ZNF267: variants seen among roughly 807,000 people sequenced by gnomAD.
The protein encoded by ZNF267 is zinc finger protein 267.
Under a neutral mutation model 71.6 loss-of-function variants are expected in ZNF267, and 61 were observed. The observed-to-expected ratio is 0.85, with a 90% CI of 0.69 to 1.05. The LOEUF (loss-of-function observed/expected upper bound fraction) is 1.05. ZNF267 is among the 50% of genes least tolerant of loss of function. ZNF267 has a pLI of 0.00. For missense variants in ZNF267, 852 were observed against 870.0 expected (o/e 0.98, Z 0.26); for synonymous variants, 288 against 293.2 (o/e 0.98, Z 0.18).
intron 3 of ZNF267, chr16:31,890,368 C>G (rs1269364615): frequency 6.6e-6 from 1 of 152,182 alleles, no homozygotes; most frequent in South Asian, 2.1e-4. Flanking sequence ...GAACTCCTTT[C>G]CTCTTGTGAC....
chr16:31,908,473 C>T (rs1043737073), intron 3 of ZNF267, among the ~76,000 whole-genome samples: 2 of 152,170 alleles, frequency 1.3e-5, no homozygotes, highest in East Asian at 3.9e-4. Context: ...GAAATTTTTA[C>T]ACCAACCATT....
chr16:31,906,060 G>A (rs2084087268), intron 3 of ZNF267, among the ~76,000 whole-genome samples: 1 of 152,212 alleles, frequency 6.6e-6, no homozygotes, highest in South Asian at 2.1e-4. Context: ...TCCAGACCCT[G>A]TATGTCTGAG....
Position 31,916,548 on chromosome 16 carries a change from A to G in ZNF267, c.*67A>G, listed in dbSNP as rs1026046766. On this transcript the variant is annotated 3_prime_UTR_variant, in exon 4 of 4. Transcript: ENST00000300870. ...TCTTATTGTGCATCAGATAATTTATATGGGAGTGAAACCCTACAAATGTTA... is the reference window on the plus strand; with the variant it reads ...TCTTATTGTGCATCAGATAATTTATGTGGGAGTGAAACCCTACAAATGTTA... 2.2e-5 allele frequency: 31 copies of G among 1,440,240 alleles called. No homozygotes were observed. The East Asian group carries it at 6.8e-4, about 32-fold the overall frequency. The allele number at this position is 1,440,240 out of a possible 1,614,324, so 89.2% of individuals were successfully genotyped here. A position where few individuals can be genotyped will look rare whatever the true frequency, so the allele number is the denominator to read the frequency against.
chr16:31,904,295 T>C (rs1427878075), intron 3 of ZNF267, among the ~76,000 whole-genome samples: 1 of 152,240 alleles, frequency 6.6e-6, no homozygotes, highest in Non-Finnish European at 1.5e-5. Context: ...TGTAGATGTC[T>C]ATTAGGTCCG....
At chr16:31,912,347 A>T (rs1355690576) in intron 3 of ZNF267, 1 of 151,668 alleles carries the variant, frequency 6.6e-6, no homozygotes, top group Non-Finnish European at 1.5e-5. Context: ...TTGCTACTTC[A>T]GCACTTTAAA....
intron 1 of ZNF267, among the ~76,000 whole-genome samples, chr16:31,874,465 G>C (rs1459350977): frequency 6.6e-6 from 1 of 152,248 alleles, no homozygotes; most frequent in African/African-American, 2.4e-5. Flanking sequence ...AGAGGGGCTT[G>C]AAGGAAAGGT....
At chr16:31,908,268 G>C (rs2084107909) in intron 3 of ZNF267, among the ~76,000 whole-genome samples, 1 of 152,088 alleles carries the variant, frequency 6.6e-6, no homozygotes, top group Admixed American at 6.6e-5. Context: ...TTCTTAAAGA[G>C]TTGTTTGAGC....
intron 3 of ZNF267, among the ~76,000 whole-genome samples, chr16:31,895,632 T>C (rs2083992898): frequency 6.6e-6 from 1 of 152,214 alleles, no homozygotes; most frequent in African/African-American, 2.4e-5. Flanking sequence ...CCAACACATT[T>C]TTGTTATTAT....
At chr16:31,897,621 C>A (rs940539086) in intron 3 of ZNF267, among the ~76,000 whole-genome samples, 6 of 152,002 alleles carry the variant, frequency 3.9e-5, no homozygotes, top group Admixed American at 6.6e-5. Flanking sequence ...TATTTTAATA[C>A]TTCTGCAAAG....
intron 3 of ZNF267, among the ~76,000 whole-genome samples, chr16:31,908,983 A>G (rs2084113282): frequency 6.6e-6 from 1 of 151,824 alleles, no homozygotes; most frequent in Non-Finnish European, 1.5e-5. Context: ...TAGGGATTGC[A>G]TTGATTCTGT....
chr16:31,882,962 T>A (rs1420120953), intron 1 of ZNF267, among the ~76,000 whole-genome samples: 1 of 152,232 alleles, frequency 6.6e-6, no homozygotes, highest in African/African-American at 2.4e-5. Context: ...TTGGTTTCCC[T>A]TTGCTTGTAG....
rs777399576 is a variant in ZNF267 at position 31,915,133 on chromosome 16, A to G, written c.884A>G (p.Tyr295Cys). Residue 295 changes from tyrosine to cysteine, a missense_variant, in exon 4 of 4, where the codon TAT (tyrosine) becomes TGT (cysteine). By Grantham distance (194) the Tyr-to-Cys change is radical. Transcript: ENST00000300870. ...HQTIHIRENS[Y>C]SYNKYDKDLS... ...ACCATCCATATCAGAGAAAACTCAT[A>G]TAGCTATAACAAATATGATAAAGAT... 19 of 1,613,446 alleles carry G rather than the reference A, an allele frequency of 1.2e-5. No individual in the cohort carries two copies. In the South Asian group the frequency reaches 1.7e-4, roughly 14 times the overall value.
At position 31,916,042 on chromosome 16, in the gene ZNF267, A is replaced by C. The variant is rs778862621; in HGVS notation, c.1793A>C (p.His598Pro). 1.5e-5 allele frequency: 24 copies of C among 1,613,972 alleles called. 1 individual carries two copies. The South Asian group carries it at 2.6e-4, about 18-fold the overall frequency. ...SSGLTVHRRT[H>P]TGEKPYTCKE... is the part of the protein sequence containing the mutation. ...GGTCTTACTGTGCATCGGCGAACTC[A>C]TACTGGAGAGAAACCCTATACATGT... The change falls in exon 4 of 4, where the codon CAT becomes CCT. Residue 598 changes from histidine (H) to proline (P), a missense_variant. Transcript: ENST00000300870.
chr16:31,897,155 AAC>A (rs1299813834), intron 3 of ZNF267, among the ~76,000 whole-genome samples: 28 of 151,502 alleles, frequency 1.8e-4, no homozygotes, highest in Admixed American at 6.6e-4. Context: ...AACAAAACAA[AAC>A]AAAAAAAACC....
intron 3 of ZNF267, among the ~76,000 whole-genome samples, chr16:31,902,083 TG>T: frequency 6.6e-6 from 1 of 152,358 alleles, no homozygotes; most frequent in East Asian, 1.9e-4. Flanking sequence ...TTGTCAGGTT[TG>T]TCAAAGATCG....
intron 3 of ZNF267, among the ~76,000 whole-genome samples, chr16:31,890,988 C>A (rs926161601): frequency 6.6e-6 from 1 of 152,036 alleles, no homozygotes; most frequent in Non-Finnish European, 1.5e-5. Flanking sequence ...TTTACTATTA[C>A]AGTTTTATTG....
At chr16:31,905,402 C>G (rs1370208517) in intron 3 of ZNF267, among the ~76,000 whole-genome samples, 2 of 152,318 alleles carry the variant, frequency 1.3e-5, no homozygotes, top group East Asian at 3.9e-4. Flanking sequence ...GTTCCATTCT[C>G]CTCGTCACTT....
chr16:31,911,125 C>G (rs1326658699), intron 3 of ZNF267, among the ~76,000 whole-genome samples: 4 of 151,538 alleles, frequency 2.6e-5, no homozygotes, highest in African/African-American at 9.8e-5. Flanking sequence ...TGAAAATTAT[C>G]TATGTGCTGA....
chr16:31,883,632 GGAA>G (rs1320757813), intron 1 of ZNF267, among the ~76,000 whole-genome samples: 3 of 152,118 alleles, frequency 2.0e-5, no homozygotes, highest in African/African-American at 7.2e-5. Context: ...TTATATAAGA[GGAA>G]GAATATAATT....
Sources: allele counts gnomAD v4.1 joint callset (sites outside exome capture counted in the v4.1 genomes callset), GRCh38; gene constraint gnomAD v4.1.1; transcripts MANE v1.5; gene names NCBI Gene and HGNC (gene_info 2026-07-23, HGNC 2026-07-21).